MARCHF3: variants seen among roughly 807,000 people sequenced by gnomAD.
MARCHF3 encodes membrane associated ring-CH-type finger 3.
Under a neutral mutation model 24.2 loss-of-function variants are expected in MARCHF3, and 13 were observed. The observed-to-expected ratio is 0.54, with a 90% CI of 0.35 to 0.85. MARCHF3 has a LOEUF of 0.85. MARCHF3 is among the 40% of genes least tolerant of loss of function. The pLI, the probability that MARCHF3 is intolerant of heterozygous loss-of-function variation, is 0.01. For missense variants in MARCHF3, 276 were observed against 325.0 expected (o/e 0.85, Z 1.16); for synonymous variants, 144 against 137.3 (o/e 1.05, Z -0.34).
At chr5:126,938,465 G>A (rs1749720012) in intron 1 of MARCHF3, among the ~76,000 whole-genome samples, 1 of 151,560 alleles carries the variant, frequency 6.6e-6, no homozygotes, top group Non-Finnish European at 1.5e-5. Flanking sequence ...ACTGTGCCTG[G>A]CCTGTTGATC....
intron 1 of MARCHF3, among the ~76,000 whole-genome samples, chr5:126,955,541 A>C (rs1246457358): frequency 1.3e-5 from 2 of 152,220 alleles, no homozygotes; most frequent in Non-Finnish European, 1.5e-5. Context: ...TGTTTCAGCC[A>C]GCATTTCTCC....
intron 1 of MARCHF3, among the ~76,000 whole-genome samples, chr5:126,999,512 C>T (rs372029426): frequency 1.3e-5 from 2 of 152,174 alleles, no homozygotes; most frequent in African/African-American, 2.4e-5. Flanking sequence ...ATTTGACCCT[C>T]GTTGTTCTAT....
At chr5:126,975,416 T>C (rs1004533943) in intron 1 of MARCHF3, among the ~76,000 whole-genome samples, 1 of 152,244 alleles carries the variant, frequency 6.6e-6, no homozygotes, top group African/African-American at 2.4e-5. Context: ...ATATACATTG[T>C]ACAAGGATCA....
rs1447628380 is a variant in MARCHF3 at position 126,869,757 on chromosome 5, G to C, written c.*876C>G. On this transcript the variant is annotated 3_prime_UTR_variant, in exon 5 of 5. Coordinates refer to ENST00000308660, the MANE Select transcript of MARCHF3 (RefSeq NM_178450.5). ...CATGCACTAAATGAGATGGGAGTGA[G>C]AACAGCAACCTTTTTGCTTTTCCTT... 1 of 152,432 alleles carries C rather than the reference G, an allele frequency of 6.6e-6. No homozygotes were observed. The highest frequency in any genetic ancestry group is 3.4e-3 in the Middle Eastern group (1 of 294). 9.4% of individuals were successfully genotyped at this position (152,432 alleles called of 1,614,324 possible). A position where few individuals can be genotyped will look rare whatever the true frequency, so the allele number is the denominator to read the frequency against.
At chr5:126,892,612 A>T (rs1373151346) in intron 3 of MARCHF3, among the ~76,000 whole-genome samples, 8 of 149,890 alleles carry the variant, frequency 5.3e-5, no homozygotes, top group Non-Finnish European at 1.0e-4. Flanking sequence ...CGTATATTGA[A>T]CCAACCTTGC....
chr5:126,996,130 A>G (rs1389624437), intron 1 of MARCHF3, among the ~76,000 whole-genome samples: 1 of 152,196 alleles, frequency 6.6e-6, no homozygotes, highest in African/African-American at 2.4e-5. Flanking sequence ...TTGAATTTCA[A>G]TGTCTTCAGG....
In MARCHF3 at chr5:126,918,005, A is replaced by C; in HGVS notation, c.167T>G (p.Val56Gly). The C allele has an allele frequency of 6.2e-7, 1 of 1,614,096 alleles. No homozygotes were observed. The change falls in exon 2 of 5, where the codon GTG (valine) becomes GGG (glycine). Residue 56 changes from valine to glycine, a missense_variant. Val to Gly is a moderately radical substitution (Grantham distance 109, BLOSUM62 -3). Coordinates refer to ENST00000308660, the MANE Select transcript of MARCHF3 (RefSeq NM_178450.5). The part of the protein sequence containing the change: ...AKDGQLLSTV[V>G]RTLATQSPFN... ...CTACCTCTGGGTGGCAAGAGTCCGC[A>C]CTACTGTTGACAGCAGCTGCCCGTC...
At chr5:127,027,301 A>G (rs1753029935) in intron 1 of MARCHF3, among the ~76,000 whole-genome samples, 1 of 152,170 alleles carries the variant, frequency 6.6e-6, no homozygotes, top group Admixed American at 6.5e-5. Context: ...GTGGCCTGGG[A>G]CACTCTTCCT....
chr5:126,966,442 G>A (rs1487670248), intron 1 of MARCHF3, among the ~76,000 whole-genome samples: 2 of 147,930 alleles, frequency 1.4e-5, no homozygotes, highest in African/African-American at 2.7e-5. Context: ...TCCCCCAAGA[G>A]TTTTCTGTAT....
chr5:126,978,401 A>G (rs934202431), intron 1 of MARCHF3, among the ~76,000 whole-genome samples: 1 of 148,078 alleles, frequency 6.8e-6, no homozygotes, highest in African/African-American at 2.5e-5. Context: ...AGAGTGGGGG[A>G]AAAAGAACAA....
intron 3 of MARCHF3, among the ~76,000 whole-genome samples, chr5:126,880,798 T>C (rs373680960): frequency 6.6e-6 from 1 of 152,236 alleles, no homozygotes; most frequent in Non-Finnish European, 1.5e-5. Flanking sequence ...TGGAAGCAGA[T>C]AGACATCTGG....
intron 1 of MARCHF3, among the ~76,000 whole-genome samples, chr5:127,001,024 G>A (rs911640899): frequency 3.9e-5 from 6 of 152,118 alleles, no homozygotes; most frequent in African/African-American, 9.7e-5. Flanking sequence ...CAGATCATGA[G>A]GTCAGAAGTT....
chr5:126,995,834 T>C (rs761814400), intron 1 of MARCHF3, among the ~76,000 whole-genome samples: 22 of 152,254 alleles, frequency 1.4e-4, no homozygotes, highest in Non-Finnish European at 2.8e-4. Flanking sequence ...CCCAGCCTTT[T>C]GGCATTCTAC....
At chr5:126,934,462 ATCC>A (rs1749575205) in intron 1 of MARCHF3, among the ~76,000 whole-genome samples, 2 of 151,668 alleles carry the variant, frequency 1.3e-5, no homozygotes, top group African/African-American at 2.4e-5. Flanking sequence ...ATTTTGGATA[ATCC>A]TTATGTTCAT....
chr5:126,909,352 T>G (rs1006554616), intron 3 of MARCHF3, among the ~76,000 whole-genome samples: 4 of 152,188 alleles, frequency 2.6e-5, no homozygotes, highest in Non-Finnish European at 2.9e-5. Flanking sequence ...CTCCACCCAG[T>G]TCAAGCTTCC....
intron 1 of MARCHF3, among the ~76,000 whole-genome samples, chr5:126,995,346 C>T (rs1316756847): frequency 6.6e-6 from 1 of 152,196 alleles, no homozygotes; most frequent in African/African-American, 2.4e-5. Flanking sequence ...GGCATTCTGA[C>T]ATTAAGGTGC....
chr5:126,877,200 C>G (rs1753188671), intron 4 of MARCHF3, among the ~76,000 whole-genome samples: 1 of 152,116 alleles, frequency 6.6e-6, no homozygotes, highest in Non-Finnish European at 1.5e-5. Context: ...GCTGGAGGAA[C>G]AGGGTCTGGG....
At chr5:126,914,713 G>A in intron 3 of MARCHF3, 1 of 589,860 alleles carries the variant, frequency 1.7e-6, no homozygotes, top group Non-Finnish European at 3.0e-6. Context: ...GATCCCAAGT[G>A]AGCTAGCAAG....
chr5:126,880,359 G>T (rs1214996087), intron 3 of MARCHF3, among the ~76,000 whole-genome samples: 1 of 152,104 alleles, frequency 6.6e-6, no homozygotes, highest in Non-Finnish European at 1.5e-5. Context: ...AGATAATGGG[G>T]AGCTGACTTG....
Sources: allele counts gnomAD v4.1 joint callset (sites outside exome capture counted in the v4.1 genomes callset), GRCh38; gene constraint gnomAD v4.1.1; transcripts MANE v1.5; gene names NCBI Gene and HGNC (gene_info 2026-07-23, HGNC 2026-07-21).